The following TTC29 variants were observed in gnomAD, a reference collection of about 807,000 sequenced individuals.
TTC29 encodes the protein tetratricopeptide repeat protein 29.
Under a neutral mutation model 58.1 loss-of-function variants are expected in TTC29, and 49 were observed. That is an observed-to-expected ratio of 0.84 (90% CI 0.67 to 1.07). The LOEUF (loss-of-function observed/expected upper bound fraction) is 1.07, where lower values mean the gene tolerates loss of function less well. Among genes scored for constraint, TTC29 ranks in the 50% least tolerant of loss-of-function variants. The pLI, the probability that TTC29 is intolerant of heterozygous loss-of-function variation, is 0.00. For missense variants in TTC29, 582 were observed against 555.6 expected (o/e 1.05, Z -0.48); for synonymous variants, 209 against 196.8 (o/e 1.06, Z -0.52).
chr4:146,899,993 G>A (rs1733033551), intron 6 of TTC29, among the ~76,000 whole-genome samples: 1 of 152,172 alleles, frequency 6.6e-6, no homozygotes, highest in South Asian at 2.1e-4. Flanking sequence ...TCAGATATGT[G>A]GAAGCTGGAC....
chr4:146,887,839 C>A (rs2150243314), intron 6 of TTC29, among the ~76,000 whole-genome samples: 1 of 152,146 alleles, frequency 6.6e-6, no homozygotes. Context: ...AACAATTAAT[C>A]ACCAGAGAAC....
chr4:146,871,569 C>A (rs10009154), intron 7 of TTC29, among the ~76,000 whole-genome samples: 1,929 of 151,836 alleles, frequency 0.013, 34 homozygotes, highest in African/African-American at 0.044. Context: ...AGGTTGCAAG[C>A]TATAAGATCA....
At chr4:146,888,438 C>T (rs1732135528) in intron 6 of TTC29, among the ~76,000 whole-genome samples, 1 of 152,116 alleles carries the variant, frequency 6.6e-6, no homozygotes, top group African/African-American at 2.4e-5. Context: ...GCTGGTCTGC[C>T]TGAGGTCATT....
chr4:146,722,596 G>A (rs1414605728), intron 11 of TTC29, among the ~76,000 whole-genome samples: 2 of 152,024 alleles, frequency 1.3e-5, no homozygotes, highest in African/African-American at 4.8e-5. Context: ...TCAATAAATG[G>A]TGCTAGAATA....
intron 5 of TTC29, among the ~76,000 whole-genome samples, chr4:146,904,919 A>T (rs1167601019): frequency 6.6e-6 from 1 of 152,228 alleles, no homozygotes; most frequent in Non-Finnish European, 1.5e-5. Context: ...GAAATTTCTA[A>T]AACCGATTCT....
At chr4:146,714,696 G>A (rs1742796451) in intron 11 of TTC29, among the ~76,000 whole-genome samples, 2 of 151,890 alleles carry the variant, frequency 1.3e-5, no homozygotes, top group African/African-American at 2.4e-5. Context: ...ACAGACAAAA[G>A]CTGAAGCAAT....
intron 11 of TTC29, among the ~76,000 whole-genome samples, chr4:146,768,388 T>A (rs796453678): frequency 2.6e-5 from 4 of 152,144 alleles, no homozygotes; most frequent in African/African-American, 9.6e-5. Flanking sequence ...AACATACTCA[T>A]GGATTACATT....
intron 8 of TTC29, among the ~76,000 whole-genome samples, chr4:146,843,484 C>T (rs751241550): frequency 3.3e-5 from 5 of 152,106 alleles, no homozygotes; most frequent in Non-Finnish European, 5.9e-5. Flanking sequence ...TGACTGCTTA[C>T]GTTGCCCAAC....
At chr4:146,918,647 C>T (rs563448265) in intron 4 of TTC29, among the ~76,000 whole-genome samples, 4 of 151,190 alleles carry the variant, frequency 2.6e-5, no homozygotes, top group African/African-American at 9.6e-5. Context: ...ATAATCTTTA[C>T]AATAACTTTA....
intron 9 of TTC29, among the ~76,000 whole-genome samples, chr4:146,822,080 A>G (rs2150142776): frequency 7.1e-6 from 1 of 140,086 alleles, no homozygotes; most frequent in Admixed American, 7.7e-5. Flanking sequence ...AACTGGGGCT[A>G]TTTAAAAGAA....
At chr4:146,718,372 C>T (rs762956783) in intron 11 of TTC29, among the ~76,000 whole-genome samples, 5 of 152,122 alleles carry the variant, frequency 3.3e-5, no homozygotes, top group Non-Finnish European at 7.4e-5. Context: ...ACCTCCTTGC[C>T]AACATTCACC....
chr4:146,930,601 A>T (rs145291762), intron 4 of TTC29, among the ~76,000 whole-genome samples: 2 of 152,234 alleles, frequency 1.3e-5, no homozygotes, highest in African/African-American at 4.8e-5. Context: ...CCATAGTTGC[A>T]GTAACCTCAG....
chr4:146,730,445 A>G (rs1744241381), intron 11 of TTC29, among the ~76,000 whole-genome samples: 1 of 152,216 alleles, frequency 6.6e-6, no homozygotes, highest in African/African-American at 2.4e-5. Context: ...TTTGAGAATT[A>G]TTAGTGCATA....
At chr4:146,766,207 T>G (rs2150068626) in intron 11 of TTC29, among the ~76,000 whole-genome samples, 1 of 152,090 alleles carries the variant, frequency 6.6e-6, no homozygotes, top group South Asian at 2.1e-4. Flanking sequence ...AAGTACCTAA[T>G]TATGGAACCC....
At chr4:146,910,392 G>C (rs1163590504) in intron 4 of TTC29, among the ~76,000 whole-genome samples, 1 of 152,074 alleles carries the variant, frequency 6.6e-6, no homozygotes, top group African/African-American at 2.4e-5. Flanking sequence ...CACCTACAGA[G>C]TTCAAAAAAA....
chr4:146,715,155 A>G (rs1025728572), intron 11 of TTC29, among the ~76,000 whole-genome samples: 5 of 152,212 alleles, frequency 3.3e-5, no homozygotes, highest in Admixed American at 6.5e-5. Context: ...TTCTTATACT[A>G]TGTTTTACTG....
rs756698953 is a variant in TTC29 at position 146,909,095 on chromosome 4, C to T, written c.331G>A (p.Glu111Lys). Residue 111 changes from glutamate to lysine, a missense_variant, in exon 5 of 13, where the codon GAG becomes AAG. By Grantham distance (56) the Glu-to-Lys change is moderately conservative. Coordinates refer to ENST00000325106, the MANE Select transcript of TTC29 (RefSeq NM_031956.4). ...RSLFWLQKPL[E>K]EQPDKLDYLY... The stretch of plus-strand genomic sequence containing the variant: ...TAATCCAGTTTATCAGGCTGCTCCT[C>T]CAGGGGCTTCTGCAGCCAGAAGAGG... 3.7e-6 allele frequency: 6 copies of T among 1,613,752 alleles called. No individual in the cohort carries two copies. The highest frequency in any genetic ancestry group is 5.1e-6 in the Non-Finnish European group (6 of 1,179,836).
intron 4 of TTC29, among the ~76,000 whole-genome samples, chr4:146,914,434 G>A (rs749165904): frequency 6.6e-6 from 1 of 152,124 alleles, no homozygotes; most frequent in African/African-American, 2.4e-5. Flanking sequence ...ATTAACAGAT[G>A]CTGTTTTTAA....
intron 4 of TTC29, 132 bp from the exon 5 acceptor site, chr4:146,909,381 A>T: frequency 1.4e-6 from 1 of 706,644 alleles, no homozygotes; most frequent in Non-Finnish European, 2.3e-6. Flanking sequence ...GAAAACTATC[A>T]AAAGATCTTT....
Sources: gnomAD v4.1 joint callset for allele counts (sites outside exome capture counted in the v4.1 genomes callset) on GRCh38, gnomAD v4.1.1 for gene constraint, MANE v1.5 for transcripts, NCBI Gene and HGNC (gene_info 2026-07-23, HGNC 2026-07-21) for gene names.